The following ADGRL3 variants were observed in gnomAD, a reference collection of about 807,000 sequenced individuals.
ADGRL3 encodes the protein calcium-independent alpha-latrotoxin receptor 3.
ADGRL3 carries 62 observed loss-of-function variants against 153.5 expected under a neutral mutation model. That is an observed-to-expected ratio of 0.40 (90% CI 0.33 to 0.50). The LOEUF is 0.50. Among genes scored for constraint, ADGRL3 ranks in the 20% least tolerant of loss-of-function variants. The pLI is 0.47. For synonymous variants in ADGRL3, 710 were observed against 672.5 expected (o/e 1.06, Z -0.86); for missense variants, 1,641 against 1,859.4 (o/e 0.88, Z 2.16).
chr4:61,506,745 G>A (rs192275710), intron 3 of ADGRL3, among the ~76,000 whole-genome samples: 2 of 152,196 alleles, frequency 1.3e-5, no homozygotes, highest in East Asian at 1.9e-4. Context: ...ACCTAAATTA[G>A]AGAAATCATT....
intron 5 of ADGRL3, among the ~76,000 whole-genome samples, chr4:61,625,756 G>A (rs1452603529): frequency 6.6e-6 from 1 of 151,976 alleles, no homozygotes; most frequent in African/African-American, 2.4e-5. Flanking sequence ...AATATGGTAA[G>A]GAAGACTTTA....
At chr4:61,463,758 G>A (rs1162624454) in intron 2 of ADGRL3, among the ~76,000 whole-genome samples, 3 of 152,148 alleles carry the variant, frequency 2.0e-5, no homozygotes, top group African/African-American at 7.2e-5. Flanking sequence ...GTGGAAGTGG[G>A]TGTCAGCTTG....
At chr4:61,469,702 C>A (rs762413596) in intron 2 of ADGRL3, among the ~76,000 whole-genome samples, 8 of 151,706 alleles carry the variant, frequency 5.3e-5, no homozygotes, top group Non-Finnish European at 1.2e-4. Context: ...CTAAATGTTC[C>A]CTATTTTCAA....
intron 1 of ADGRL3, among the ~76,000 whole-genome samples, chr4:61,236,899 AC>A (rs1415125069): frequency 1.3e-5 from 2 of 152,078 alleles, no homozygotes; most frequent in African/African-American, 4.8e-5. Flanking sequence ...AGTTCTTCCT[AC>A]CTTTTTAGAT....
At chr4:61,751,534 A>T (rs1448353243) in intron 8 of ADGRL3, among the ~76,000 whole-genome samples, 1 of 152,174 alleles carries the variant, frequency 6.6e-6, no homozygotes, top group African/African-American at 2.4e-5. Flanking sequence ...AGTAGAAAAA[A>T]GTATATAATG....
At chr4:61,431,077 T>C (rs1358572800) in intron 2 of ADGRL3, among the ~76,000 whole-genome samples, 1 of 152,222 alleles carries the variant, frequency 6.6e-6, no homozygotes, top group African/African-American at 2.4e-5. Flanking sequence ...GATAGATAGT[T>C]GCTTCCTTTA....
chr4:62,010,297 C>T (rs1434147785), intron 21 of ADGRL3, among the ~76,000 whole-genome samples: 2 of 152,066 alleles, frequency 1.3e-5, no homozygotes, highest in East Asian at 1.9e-4. Context: ...CTCCCGCCAT[C>T]GCCTTACCAC....
intron 23 of ADGRL3, among the ~76,000 whole-genome samples, chr4:62,032,416 C>T (rs1722602389): frequency 6.6e-6 from 1 of 151,374 alleles, no homozygotes; most frequent in African/African-American, 2.4e-5. Flanking sequence ...ACAACGACCC[C>T]TCAGCCAGAT....
intron 1 of ADGRL3, among the ~76,000 whole-genome samples, chr4:61,259,754 A>C (rs183985034): frequency 2.0e-5 from 3 of 152,160 alleles, no homozygotes; most frequent in Admixed American, 2.0e-4. Flanking sequence ...TCCTTTGAAC[A>C]TATTTATATT....
intron 4 of ADGRL3, among the ~76,000 whole-genome samples, chr4:61,556,265 C>G (rs78855194): frequency 0.015 from 2,253 of 152,120 alleles, 54 homozygotes; most frequent in African/African-American, 0.052. Flanking sequence ...AGAATATAGT[C>G]AGAGGAGATC....
At chr4:61,584,619 ATAGC>A (rs2098939138) in intron 4 of ADGRL3, among the ~76,000 whole-genome samples, 1 of 152,006 alleles carries the variant, frequency 6.6e-6, no homozygotes, top group Admixed American at 6.6e-5. Context: ...TCAACATACT[ATAGC>A]TAGATGAATC....
In ADGRL3 at chr4:62,047,783, C is replaced by T. The variant is rs377385708; in HGVS notation, c.3814+3234C>T. Among the ~76,000 whole-genome samples, 67 of 152,154 alleles carry T rather than the reference C, an allele frequency of 4.4e-4. No individual in the cohort carries two copies. The South Asian group carries it at 0.013, about 29-fold the overall frequency. On this transcript the variant is annotated intron_variant, in intron 25 of 26. Coordinates refer to ENST00000683033, the MANE Select transcript of ADGRL3 (RefSeq NM_001387552.1). ...CTGTATATTTTCAAATATTTTTCTC[C>T]AGCCAACTTGTTTGGCACAATGTTA...
At chr4:61,669,347 G>A (rs1179148619) in intron 5 of ADGRL3, among the ~76,000 whole-genome samples, 1 of 152,104 alleles carries the variant, frequency 6.6e-6, no homozygotes, top group Non-Finnish European at 1.5e-5. Context: ...AGGATGACAG[G>A]CAGTAGAAAA....
intron 1 of ADGRL3, among the ~76,000 whole-genome samples, chr4:61,329,741 GGATGTA>G (rs1189945737): frequency 1.3e-5 from 2 of 152,132 alleles, no homozygotes; most frequent in Non-Finnish European, 2.9e-5. Context: ...TGATTGCATA[GGATGTA>G]GATATTTAAC....
At chr4:61,226,649 A>G (rs926474464) in intron 1 of ADGRL3, among the ~76,000 whole-genome samples, 4 of 152,118 alleles carry the variant, frequency 2.6e-5, no homozygotes, top group Admixed American at 6.6e-5. Context: ...TATTTGCCTT[A>G]TTGTATGGGA....
chr4:61,705,496 T>TTATA (rs111974441), intron 6 of ADGRL3, among the ~76,000 whole-genome samples: 33 of 147,156 alleles, frequency 2.2e-4, no homozygotes, highest in Admixed American at 1.4e-3. Context: ...TACATATATT[T>TTATA]TATATATATA....
At chr4:61,397,350 A>T (rs535897937) in intron 2 of ADGRL3, among the ~76,000 whole-genome samples, 1 of 152,076 alleles carries the variant, frequency 6.6e-6, no homozygotes, top group African/African-American at 2.4e-5. Context: ...ATGTGACTGA[A>T]GCTGAGTCAC....
intron 1 of ADGRL3, among the ~76,000 whole-genome samples, chr4:61,307,926 T>C (rs1032016800): frequency 6.6e-6 from 1 of 152,182 alleles, no homozygotes; most frequent in Non-Finnish European, 1.5e-5. Context: ...TTGTCATTTT[T>C]AGATTGTTAA....
chr4:61,578,113 T>A (rs1271951914), intron 4 of ADGRL3, among the ~76,000 whole-genome samples: 3 of 152,062 alleles, frequency 2.0e-5, no homozygotes, highest in African/African-American at 7.2e-5. Flanking sequence ...ATACAACTGA[T>A]TATTGGTGTG....
Sources: gnomAD v4.1 joint callset for allele counts (sites outside exome capture counted in the v4.1 genomes callset) on GRCh38, gnomAD v4.1.1 for gene constraint, MANE v1.5 for transcripts, NCBI Gene and HGNC (gene_info 2026-07-23, HGNC 2026-07-21) for gene names.